The following CDKAL1 variants were observed in gnomAD, a reference collection of about 807,000 sequenced individuals.
CDKAL1 encodes the protein CDKAL1 threonylcarbamoyladenosine tRNA methylthiotransferase.
CDKAL1 carries 32 observed loss-of-function variants against 68.2 expected under a neutral mutation model. That is an observed-to-expected ratio of 0.47 (90% CI 0.35 to 0.63). The LOEUF is 0.63. CDKAL1 is among the 30% of genes least tolerant of loss of function. The pLI is 0.00. For synonymous variants in CDKAL1, 234 were observed against 244.3 expected, an observed-to-expected ratio of 0.96 and a Z score of 0.39; for missense variants, 606 against 696.7, an observed-to-expected ratio of 0.87 and a Z score of 1.47.
intron 13 of CDKAL1, among the ~76,000 whole-genome samples, chr6:21,178,633 C>G (rs1777676146): frequency 6.6e-6 from 1 of 152,116 alleles, no homozygotes; most frequent in South Asian, 2.1e-4. Flanking sequence ...TGAAAATGAT[C>G]CCCCCACAAA....
chr6:21,155,838 G>A (rs917077628), intron 13 of CDKAL1, among the ~76,000 whole-genome samples: 1 of 152,136 alleles, frequency 6.6e-6, no homozygotes, highest in Non-Finnish European at 1.5e-5. Context: ...ATATTATAAA[G>A]GGACAGGGAC....
intron 8 of CDKAL1, among the ~76,000 whole-genome samples, chr6:20,834,485 G>T (rs1777848203): frequency 6.6e-6 from 1 of 152,082 alleles, no homozygotes; most frequent in Non-Finnish European, 1.5e-5. Flanking sequence ...TTGGCTTCTG[G>T]GATTTGGCCT....
intron 13 of CDKAL1, among the ~76,000 whole-genome samples, chr6:21,147,814 TTTAA>T (rs1167693671): frequency 1.3e-5 from 2 of 152,210 alleles, no homozygotes. Flanking sequence ...TTTTTTTGTC[TTTAA>T]TTAAACAAAA....
intron 9 of CDKAL1, among the ~76,000 whole-genome samples, chr6:20,873,433 C>G (rs993164275): frequency 2.0e-5 from 3 of 152,052 alleles, no homozygotes. Context: ...TTCTTACATG[C>G]CAGACATTGT....
chr6:20,875,193 G>A (rs2150550385), intron 9 of CDKAL1, among the ~76,000 whole-genome samples: 2 of 151,460 alleles, frequency 1.3e-5, no homozygotes, highest in Middle Eastern at 6.8e-3. Flanking sequence ...CAGCTACTCG[G>A]GAGGCTGAGG....
chr6:20,919,252 T>TTCA (rs2150644869), intron 9 of CDKAL1, among the ~76,000 whole-genome samples: 1 of 152,322 alleles, frequency 6.6e-6, no homozygotes, highest in East Asian at 1.9e-4. Flanking sequence ...TAGACTTTTC[T>TTCA]TCATTATTCA....
At chr6:20,830,680 A>ACACCTCTC (rs1384643455) in intron 8 of CDKAL1, among the ~76,000 whole-genome samples, 1 of 150,512 alleles carries the variant, frequency 6.6e-6, no homozygotes, top group Non-Finnish European at 1.5e-5. Context: ...CTGTGCCCCT[A>ACACCTCTC]CACCTCTCCT....
chr6:20,676,702 T>TAAATAAAA (rs1262786012), intron 5 of CDKAL1, among the ~76,000 whole-genome samples: 12 of 133,300 alleles, frequency 9.0e-5, no homozygotes, highest in Non-Finnish European at 3.1e-5. Flanking sequence ...AATAAATAAA[T>TAAATAAAA]AAAATAAAAT....
chr6:20,747,650 G>A lies in CDKAL1; in HGVS notation c.468+8035G>A, dbSNP rs563601836. On this transcript the variant is annotated intron_variant, in intron 6 of 15. Transcript: ENST00000274695. ...TTCCTTTGGAAAAATGTCTATTCAGGTCCTTTGCCCATTTTTAAATAAGGT... is the reference window on the plus strand; with the variant it reads ...TTCCTTTGGAAAAATGTCTATTCAGATCCTTTGCCCATTTTTAAATAAGGT... 3.9e-4 allele frequency among the ~76,000 whole-genome samples: 60 copies of A among 152,160 alleles called. No individual in the cohort carries two copies. The South Asian group carries it at 0.012, about 31-fold the overall frequency.
intron 9 of CDKAL1, among the ~76,000 whole-genome samples, chr6:20,850,265 A>T (rs976828452): frequency 6.6e-6 from 1 of 152,254 alleles, no homozygotes; most frequent in Admixed American, 6.5e-5. Context: ...TAAATTTCCC[A>T]TCCTTAAAGC....
chr6:20,650,362 T>C (rs1031337371), intron 5 of CDKAL1, among the ~76,000 whole-genome samples: 12 of 152,014 alleles, frequency 7.9e-5, no homozygotes, highest in Admixed American at 7.9e-4. Context: ...TAAATGTCTT[T>C]TGAGAAGTGT....
At chr6:20,842,163 C>G (rs1050145252) in intron 8 of CDKAL1, among the ~76,000 whole-genome samples, 1 of 152,034 alleles carries the variant, frequency 6.6e-6, no homozygotes. Context: ...AATGATTGGT[C>G]AACATAATTC....
chr6:20,847,063 G>C (rs1778402474), intron 9 of CDKAL1, among the ~76,000 whole-genome samples: 1 of 152,088 alleles, frequency 6.6e-6, no homozygotes, highest in Admixed American at 6.5e-5. Context: ...TGTTTAGTCT[G>C]TAGAAAACTT....
chr6:20,781,922 G>C (rs1454093281), intron 8 of CDKAL1, among the ~76,000 whole-genome samples: 1 of 152,122 alleles, frequency 6.6e-6, no homozygotes, highest in African/African-American at 2.4e-5. Flanking sequence ...TTAAATCACA[G>C]GGAGCACCTA....
chr6:20,660,107 A>G (rs1219356126), intron 5 of CDKAL1, among the ~76,000 whole-genome samples: 1 of 152,152 alleles, frequency 6.6e-6, no homozygotes, highest in Non-Finnish European at 1.5e-5. Flanking sequence ...CAGAGATAAC[A>G]CCTGTGGGGT....
intron 10 of CDKAL1, among the ~76,000 whole-genome samples, chr6:20,963,131 A>T (rs1440294985): frequency 1.3e-5 from 2 of 152,162 alleles, no homozygotes; most frequent in African/African-American, 4.8e-5. Flanking sequence ...GGAAGGGAGG[A>T]TGTGGATGAA....
intron 10 of CDKAL1, among the ~76,000 whole-genome samples, chr6:20,988,192 GT>G (rs1766586764): frequency 6.6e-6 from 1 of 150,580 alleles, no homozygotes; most frequent in African/African-American, 2.4e-5. Context: ...ATGTGTGTGT[GT>G]GTGTGTGTGT....
intron 13 of CDKAL1, among the ~76,000 whole-genome samples, chr6:21,143,240 T>C (rs1776010781): frequency 6.6e-6 from 1 of 152,244 alleles, no homozygotes; most frequent in South Asian, 2.1e-4. Context: ...TAAGTCAGTA[T>C]ACCCTAAATT....
intron 13 of CDKAL1, among the ~76,000 whole-genome samples, chr6:21,158,514 T>A (rs1435750393): frequency 6.6e-6 from 1 of 152,248 alleles, no homozygotes; most frequent in Non-Finnish European, 1.5e-5. Context: ...CCAAGCCAGA[T>A]AACTACAGCA....
Sources: gnomAD v4.1 joint callset for allele counts (sites outside exome capture counted in the v4.1 genomes callset) on GRCh38, gnomAD v4.1.1 for gene constraint, MANE v1.5 for transcripts, NCBI Gene and HGNC (gene_info 2026-07-23, HGNC 2026-07-21) for gene names.